The following WWOX variants were observed in gnomAD, a reference collection of about 807,000 sequenced individuals.
The protein encoded by WWOX is WW domain containing oxidoreductase, also known as WW domain-containing oxidoreductase.
WWOX carries 69 observed loss-of-function variants against 46.2 expected under a neutral mutation model. The ratio of observed to expected loss-of-function variants is 1.49; its 90% CI spans 1.23 to 1.82. The LOEUF (loss-of-function observed/expected upper bound fraction) is 1.82. WWOX is among the 40% of genes most tolerant of loss of function. The probability of loss-of-function intolerance (pLI) is 0.00; values close to 1 mark genes in which losing one functional copy is unlikely to be tolerated. For missense variants in WWOX, 919 were observed against 542.6 expected, an observed-to-expected ratio of 1.69 and a Z score of -6.89; for synonymous variants, 359 against 202.6, an observed-to-expected ratio of 1.77 and a Z score of -6.56.
chr16:78,879,546 T>G (rs1255206179), intron 8 of WWOX, among the ~76,000 whole-genome samples: 1 of 151,986 alleles, frequency 6.6e-6, no homozygotes, highest in African/African-American at 2.4e-5. Context: ...GACCACCAAA[T>G]CTGATTTCCA....
intron 8 of WWOX, among the ~76,000 whole-genome samples, chr16:78,713,707 C>T (rs1000476925): frequency 6.6e-6 from 1 of 152,148 alleles, no homozygotes; most frequent in African/African-American, 2.4e-5. Context: ...TCCGGAGAAG[C>T]CAAACCTGCT....
At chr16:79,099,824 A>G (rs911381809) in intron 8 of WWOX, among the ~76,000 whole-genome samples, 1 of 152,204 alleles carries the variant, frequency 6.6e-6, no homozygotes, top group Non-Finnish European at 1.5e-5. Context: ...ATTCAGGGTT[A>G]AATCAGAGCA....
At chr16:78,423,904 C>G (rs2083012513) in intron 6 of WWOX, among the ~76,000 whole-genome samples, 1 of 151,336 alleles carries the variant, frequency 6.6e-6, no homozygotes, top group African/African-American at 2.4e-5. Flanking sequence ...CAGGCTTCCA[C>G]TTACCTATCT....
intron 5 of WWOX, among the ~76,000 whole-genome samples, chr16:78,198,709 T>G (rs1418652866): frequency 6.6e-6 from 1 of 152,240 alleles, no homozygotes; most frequent in African/African-American, 2.4e-5. Flanking sequence ...CCATCTTCCC[T>G]AGTTGTATCA....
chr16:78,458,935 G>T (rs1232232130), intron 8 of WWOX, among the ~76,000 whole-genome samples: 3 of 152,088 alleles, frequency 2.0e-5, no homozygotes, highest in South Asian at 2.1e-4. Flanking sequence ...TTCATTCTCT[G>T]TGTCACCTCA....
At chr16:78,652,353 G>A (rs979893718) in intron 8 of WWOX, among the ~76,000 whole-genome samples, 4 of 146,232 alleles carry the variant, frequency 2.7e-5, no homozygotes, top group East Asian at 4.0e-4. Flanking sequence ...AGGTTGCAGC[G>A]AGTCAAGGTC....
chr16:78,970,361 A>G (rs980597158), intron 8 of WWOX, among the ~76,000 whole-genome samples: 16 of 152,208 alleles, frequency 1.1e-4, no homozygotes, highest in African/African-American at 3.6e-4. Flanking sequence ...TGGTTTTTGA[A>G]TAACATCAAT....
intron 8 of WWOX, among the ~76,000 whole-genome samples, chr16:78,503,234 TG>T (rs1203116289): frequency 6.6e-6 from 1 of 152,192 alleles, no homozygotes; most frequent in African/African-American, 2.4e-5. Context: ...GATGGGAAGA[TG>T]GAGTCTTCCA....
intron 8 of WWOX, among the ~76,000 whole-genome samples, chr16:78,688,356 A>T (rs1329351717): frequency 3.4e-5 from 5 of 146,938 alleles, no homozygotes; most frequent in Non-Finnish European, 6.0e-5. Flanking sequence ...ATGAGTCACT[A>T]TATCAGTTAC....
chr16:78,443,353 A>G (rs2083488313), intron 8 of WWOX, among the ~76,000 whole-genome samples: 2 of 152,112 alleles, frequency 1.3e-5, no homozygotes, highest in Admixed American at 6.6e-5. Context: ...CTCAGGAACC[A>G]CTAAGACAGA....
intron 8 of WWOX, among the ~76,000 whole-genome samples, chr16:78,957,457 G>A (rs771049641): frequency 1.1e-4 from 16 of 152,146 alleles, no homozygotes; most frequent in Non-Finnish European, 1.6e-4. Flanking sequence ...GTGGCTCATT[G>A]TAGACATAGG....
At chr16:78,309,185 A>T (rs1044160326) in intron 5 of WWOX, among the ~76,000 whole-genome samples, 2 of 152,190 alleles carry the variant, frequency 1.3e-5, no homozygotes, top group African/African-American at 4.8e-5. Context: ...CAAGGGAGAG[A>T]CCAGGTGGAT....
rs574380567 is a variant in WWOX, at chr16:78,638,183, A to G, written c.1056+205431A>G. On this transcript the variant is annotated intron_variant, in intron 8 of 8. Transcript: ENST00000566780. ...CAATTATTTTACATGACAGTTTAAA[A>G]AACAGGAATGCTCGATTTGTATTCC... is the stretch of plus-strand genomic sequence containing the variant. Among the ~76,000 whole-genome samples, 10 of 152,340 alleles carry G rather than the reference A, an allele frequency of 6.6e-5. 1 individual carries two copies. The highest frequency in any genetic ancestry group is 1.3e-4 in the Admixed American group (2 of 15,302).
At chr16:78,398,452 A>C (rs1028689159) in intron 6 of WWOX, among the ~76,000 whole-genome samples, 3 of 152,192 alleles carry the variant, frequency 2.0e-5, no homozygotes, top group African/African-American at 7.2e-5. Context: ...GCAAGAGGAG[A>C]AAAACCAAGC....
intron 8 of WWOX, among the ~76,000 whole-genome samples, chr16:78,758,285 C>T (rs1243684192): frequency 2.6e-5 from 4 of 152,282 alleles, no homozygotes; most frequent in African/African-American, 9.6e-5. Flanking sequence ...AAGCCCAATG[C>T]TTGTGTTCTC....
intron 8 of WWOX, among the ~76,000 whole-genome samples, chr16:78,821,022 A>G (rs955560641): frequency 6.6e-6 from 1 of 152,090 alleles, no homozygotes; most frequent in African/African-American, 2.4e-5. Context: ...CTCATTCCTT[A>G]TCTTAATTAC....
At chr16:79,034,737 A>G (rs570174609) in intron 8 of WWOX, among the ~76,000 whole-genome samples, 1 of 152,160 alleles carries the variant, frequency 6.6e-6, no homozygotes, top group Non-Finnish European at 1.5e-5. Context: ...TGATCAGAGC[A>G]TACCTGCCGT....
intron 8 of WWOX, among the ~76,000 whole-genome samples, chr16:78,456,887 C>G (rs892943302): frequency 2.0e-5 from 3 of 152,198 alleles, no homozygotes; most frequent in Admixed American, 2.0e-4. Flanking sequence ...ATGGAACTAT[C>G]AAATTAGTTC....
chr16:79,144,595 A>G (rs908000576), intron 8 of WWOX, among the ~76,000 whole-genome samples: 3 of 152,182 alleles, frequency 2.0e-5, no homozygotes, highest in Non-Finnish European at 2.9e-5. Flanking sequence ...TAAAAAAAAT[A>G]TCGAGTGGAA....
Sources: gnomAD v4.1 joint callset for allele counts (sites outside exome capture counted in the v4.1 genomes callset) on GRCh38, gnomAD v4.1.1 for gene constraint, MANE v1.5 for transcripts, NCBI Gene and HGNC (gene_info 2026-07-23, HGNC 2026-07-21) for gene names.